NCKAP5: variants seen among roughly 807,000 people sequenced by gnomAD.
NCKAP5 encodes nck-associated protein 5.
Under a neutral mutation model 167.0 loss-of-function variants are expected in NCKAP5, and 92 were observed. That is an observed-to-expected ratio of 0.55 (90% CI 0.47 to 0.66). The LOEUF is 0.66. Ranked by LOEUF, NCKAP5 falls within the 30% of genes least tolerant of loss-of-function variation. The pLI, the probability that NCKAP5 is intolerant of heterozygous loss-of-function variation, is 0.00. For missense variants in NCKAP5, 2,378 were observed against 2,315.0 expected, an observed-to-expected ratio of 1.03 and a Z score of -0.56; for synonymous variants, 891 against 877.4, an observed-to-expected ratio of 1.02 and a Z score of -0.27.
chr2:133,592,950 CA>C, the NCKAP5 span, among the ~76,000 whole-genome samples: 1 of 152,182 alleles, frequency 6.6e-6, no homozygotes, highest in Non-Finnish European at 1.5e-5. Flanking sequence ...CACCAGAAAA[CA>C]AAGTATAAAG....
the NCKAP5 span, among the ~76,000 whole-genome samples, chr2:133,666,759 A>C: frequency 6.6e-6 from 1 of 152,028 alleles, no homozygotes; most frequent in Non-Finnish European, 1.5e-5. Flanking sequence ...AATTGGTAAA[A>C]TGCTTTCCAT....
chr2:133,107,125 C>T (rs904964893), intron 6 of NCKAP5, among the ~76,000 whole-genome samples: 1 of 152,162 alleles, frequency 6.6e-6, no homozygotes, highest in African/African-American at 2.4e-5. Context: ...CATCTAAACG[C>T]TCTTCTGCCT....
chr2:133,469,460 A>G (rs1242775035), intron 3 of NCKAP5, among the ~76,000 whole-genome samples: 2 of 151,788 alleles, frequency 1.3e-5, no homozygotes, highest in African/African-American at 4.8e-5. Context: ...CCTTCATTTC[A>G]ACTTTGGTGA....
chr2:133,269,414 C>A (rs891260096), intron 4 of NCKAP5, among the ~76,000 whole-genome samples: 1 of 152,080 alleles, frequency 6.6e-6, no homozygotes, highest in Non-Finnish European at 1.5e-5. Flanking sequence ...AAAAATCTCA[C>A]TGAGAATGCT....
intron 8 of NCKAP5, among the ~76,000 whole-genome samples, chr2:132,951,236 T>C (rs984899342): frequency 1.3e-5 from 2 of 152,162 alleles, no homozygotes; most frequent in African/African-American, 4.8e-5. Context: ...TTACTGACTC[T>C]GAAAGGGAGG....
chr2:133,631,560 T>A, the NCKAP5 span, among the ~76,000 whole-genome samples: 1 of 150,820 alleles, frequency 6.6e-6, no homozygotes, highest in African/African-American at 2.5e-5. Flanking sequence ...ATTCTGTGAG[T>A]TTTTTGCAAA....
intron 11 of NCKAP5, among the ~76,000 whole-genome samples, chr2:132,821,835 TC>T (rs1686762341): frequency 6.6e-6 from 1 of 151,780 alleles, no homozygotes; most frequent in African/African-American, 2.4e-5. Context: ...TGAGAATCAC[TC>T]CCCCATGCCC....
At chr2:133,582,247 C>A in the NCKAP5 span, among the ~76,000 whole-genome samples, 2 of 152,142 alleles carry the variant, frequency 1.3e-5, no homozygotes, top group Non-Finnish European at 2.9e-5. Context: ...TCAGGCCCAA[C>A]CCCAGACCTA....
At chr2:133,442,711 G>A (rs756112496) in intron 3 of NCKAP5, among the ~76,000 whole-genome samples, 6 of 152,170 alleles carry the variant, frequency 3.9e-5, no homozygotes, top group African/African-American at 7.2e-5. Flanking sequence ...TTGAACTATC[G>A]AAAGGGAGGA....
intron 4 of NCKAP5, chr2:133,266,471 A>C (rs1559334396): frequency 3.0e-4 from 43 of 145,632 alleles, no homozygotes; most frequent in South Asian, 2.0e-3. Context: ...GGCGGCGCGC[A>C]GGGGGCGCGC....
At chr2:133,419,292 A>G (rs965351494) in intron 3 of NCKAP5, among the ~76,000 whole-genome samples, 11 of 152,230 alleles carry the variant, frequency 7.2e-5, no homozygotes, top group Admixed American at 2.6e-4. Context: ...GTAGGGAGAC[A>G]ATATTGGAAT....
At chr2:132,676,372 A>G (rs1222121026) in intron 19 of NCKAP5, among the ~76,000 whole-genome samples, 1 of 128,328 alleles carries the variant, frequency 7.8e-6, no homozygotes. Context: ...TTCTTTTTGA[A>G]GGCCTAGTCC....
At chr2:132,933,306 A>G (rs181276266) in intron 8 of NCKAP5, among the ~76,000 whole-genome samples, 182 of 152,216 alleles carry the variant, frequency 1.2e-3, no homozygotes, top group African/African-American at 4.2e-3. Context: ...AATATATGGT[A>G]CCTCTCTGTC....
At chr2:132,843,372 T>G (rs1395945311) in intron 11 of NCKAP5, among the ~76,000 whole-genome samples, 1 of 152,148 alleles carries the variant, frequency 6.6e-6, no homozygotes, top group African/African-American at 2.4e-5. Context: ...TTTAACTGCT[T>G]TGGTTTTTGG....
chr2:133,591,197 A>C, the NCKAP5 span, among the ~76,000 whole-genome samples: 1 of 152,188 alleles, frequency 6.6e-6, no homozygotes, highest in African/African-American at 2.4e-5. Flanking sequence ...TGTCAGGTGG[A>C]GCAATGATCA....
In NCKAP5 at chr2:132,722,437, C is replaced by T. The variant is rs370577771; in HGVS notation, c.5713+3190G>A. ...TACCTTCCTCACTTGGCTTCTAAGACGCCATGCTCCCCAGCCCTCCTCTTC... is the reference window on the plus strand; with the variant it reads ...TACCTTCCTCACTTGGCTTCTAAGATGCCATGCTCCCCAGCCCTCCTCTTC... On this transcript the variant is annotated intron_variant, in intron 19 of 19. Coordinates refer to ENST00000409261, the MANE Select transcript of NCKAP5 (RefSeq NM_207363.3). 2.0e-4 allele frequency among the ~76,000 whole-genome samples: 31 copies of T among 152,300 alleles called. No homozygotes were observed. The East Asian group carries it at 2.5e-3, about 12-fold the overall frequency.
At chr2:132,697,178 C>A (rs560669309) in intron 19 of NCKAP5, among the ~76,000 whole-genome samples, 5,240 of 10,050 alleles carry the variant, frequency 0.52, 311 homozygotes, top group African/African-American at 0.53. Context: ...ATGGGCACTG[C>A]GCCGGCCGAC....
the NCKAP5 span, among the ~76,000 whole-genome samples, chr2:133,646,614 C>CA: frequency 3.3e-5 from 5 of 151,852 alleles, no homozygotes; most frequent in South Asian, 2.1e-4. Flanking sequence ...CAGGTTAAAA[C>CA]AAAAAAACCC....
At chr2:132,885,299 A>G (rs1692130906) in intron 8 of NCKAP5, among the ~76,000 whole-genome samples, 1 of 152,166 alleles carries the variant, frequency 6.6e-6, no homozygotes, top group Non-Finnish European at 1.5e-5. Context: ...GCAGAGAGGG[A>G]AAGGAAAGAG....
Sources: gnomAD v4.1 joint callset for allele counts (sites outside exome capture counted in the v4.1 genomes callset) on GRCh38, gnomAD v4.1.1 for gene constraint, MANE v1.5 for transcripts, NCBI Gene and HGNC (gene_info 2026-07-23, HGNC 2026-07-21) for gene names.